Variants in ATG7 observed in about 807,000 individuals in gnomAD.
ATG7 encodes ubiquitin-like modifier-activating enzyme ATG7.
Under a neutral mutation model 82.4 loss-of-function variants are expected in ATG7, and 70 were observed. The observed-to-expected ratio is 0.85, with a 90% CI of 0.70 to 1.04. The LOEUF (loss-of-function observed/expected upper bound fraction) is 1.04, where lower values mean the gene tolerates loss of function less well. Ranked by LOEUF, ATG7 falls within the 50% of genes least tolerant of loss-of-function variation. The probability of loss-of-function intolerance (pLI) is 0.00; values close to 1 mark genes in which losing one functional copy is unlikely to be tolerated. For synonymous variants in ATG7, 287 were observed against 313.0 expected, an observed-to-expected ratio of 0.92 and a Z score of 0.88; for missense variants, 792 against 864.3, an observed-to-expected ratio of 0.92 and a Z score of 1.05.
intron 20 of ATG7, among the ~76,000 whole-genome samples, chr3:11,535,217 G>GC (rs1043006609): frequency 1.2e-4 from 19 of 152,298 alleles, no homozygotes; most frequent in African/African-American, 4.1e-4. Context: ...CCAGCCCTTT[G>GC]CCCCCTCTAG....
rs1559842147 is a variant in ATG7, at chr3:11,556,625, CG to C, written c.*1783del. 6.0e-5 allele frequency: 9 copies of C among 151,210 alleles called. No individual in the cohort carries two copies. The highest frequency in any genetic ancestry group is 2.2e-4 in the African/African-American group (9 of 40,988). 9.4% of individuals were successfully genotyped at this position (151,210 alleles called of 1,614,324 possible). A position where few individuals can be genotyped will look rare whatever the true frequency, so the allele number is the denominator to read the frequency against. ...AAAAAAAAGATCAACTTTTTTTTTCCGAACAACAAAAAAAATGAATGATTAC... is the reference window on the plus strand; with the variant it reads ...AAAAAAAAGATCAACTTTTTTTTTCCAACAACAAAAAAAATGAATGATTAC... On this transcript the variant is annotated 3_prime_UTR_variant, in exon 21 of 21. Transcript: ENST00000693202.
the ATG7 span, chr3:11,564,924 C>T: frequency 6.3e-7 from 1 of 1,595,352 alleles, no homozygotes; most frequent in Non-Finnish European, 8.5e-7. Context: ...CAGGTGGCTG[C>T]CGTGCAGGCT....
intron 20 of ATG7, among the ~76,000 whole-genome samples, chr3:11,459,323 A>G (rs981696512): frequency 1.4e-4 from 21 of 152,194 alleles, no homozygotes; most frequent in African/African-American, 5.1e-4. Context: ...AATATAATGT[A>G]TCATCTCAGA....
At chr3:11,536,757 C>T (rs780241880) in intron 20 of ATG7, among the ~76,000 whole-genome samples, 5 of 152,186 alleles carry the variant, frequency 3.3e-5, no homozygotes, top group East Asian at 1.9e-4. Context: ...TGGTCACCTA[C>T]GATTCTGGGT....
At chr3:11,325,369 G>C (rs1013701040) in intron 9 of ATG7, among the ~76,000 whole-genome samples, 1 of 152,080 alleles carries the variant, frequency 6.6e-6, no homozygotes, top group African/African-American at 2.4e-5. Context: ...TGTGCTAAGT[G>C]CAGTTAAGAA....
chr3:11,445,463 T>C (rs1338322580), intron 20 of ATG7, among the ~76,000 whole-genome samples: 3 of 152,158 alleles, frequency 2.0e-5, no homozygotes, highest in Admixed American at 1.3e-4. Context: ...TTATCACTTA[T>C]AAGTGGGAGC....
At chr3:11,486,513 A>G (rs910014420) in intron 20 of ATG7, among the ~76,000 whole-genome samples, 3 of 151,256 alleles carry the variant, frequency 2.0e-5, no homozygotes, top group Non-Finnish European at 2.9e-5. Context: ...TCTTTTCCTA[A>G]TTGAATACCC....
chr3:11,551,572 T>C (rs966321125), intron 20 of ATG7, among the ~76,000 whole-genome samples: 14 of 152,154 alleles, frequency 9.2e-5, no homozygotes, highest in Admixed American at 2.0e-4. Flanking sequence ...GTTTAGCTTT[T>C]TCACTGCTTT....
intron 19 of ATG7, among the ~76,000 whole-genome samples, chr3:11,406,419 C>T (rs983863142): frequency 6.6e-6 from 1 of 152,088 alleles, no homozygotes; most frequent in Non-Finnish European, 1.5e-5. Flanking sequence ...TCTCCTGCCT[C>T]AGTCCCCCAC....
intron 19 of ATG7, among the ~76,000 whole-genome samples, chr3:11,391,967 G>GGC (rs1553640482): frequency 2.3e-5 from 3 of 130,826 alleles, no homozygotes; most frequent in Admixed American, 7.4e-5. Flanking sequence ...TTGGGGGGGG[G>GGC]GTAATTTCAC....
chr3:11,573,284 AAAGAAAGAAAGAAAGAAAGAAAGGAAGG>A, the ATG7 span, among the ~76,000 whole-genome samples: 2 of 11,334 alleles, frequency 1.8e-4, no homozygotes, highest in African/African-American at 9.5e-4. Context: ...AGAAAGAAAG[AAAGAAAGAAAGAAAGAAAGAAAGGAAGG>A]AAGGAAGAAA....
intron 15 of ATG7, 77 bp from the exon 16 acceptor site, chr3:11,360,504 G>C (rs2076217689): frequency 2.1e-6 from 3 of 1,423,826 alleles, no homozygotes; most frequent in Non-Finnish European, 2.9e-6. Context: ...TTAAAAAGTT[G>C]AGCAAATATG....
At chr3:11,464,853 G>T (rs1482242274) in intron 20 of ATG7, among the ~76,000 whole-genome samples, 1 of 152,050 alleles carries the variant, frequency 6.6e-6, no homozygotes, top group African/African-American at 2.4e-5. Context: ...CCTAGGACTT[G>T]GCCCCTTTAC....
chr3:11,378,070 C>T (rs1001287834), intron 18 of ATG7, among the ~76,000 whole-genome samples: 7 of 110,948 alleles, frequency 6.3e-5, no homozygotes, highest in Admixed American at 1.2e-4. Flanking sequence ...CTCTGTCACT[C>T]AGGCTGGATC....
the ATG7 span, among the ~76,000 whole-genome samples, chr3:11,572,851 C>T: frequency 1.3e-5 from 2 of 152,152 alleles, no homozygotes; most frequent in South Asian, 4.2e-4. Context: ...CGCCTGGGCA[C>T]TCTTTGGTTT....
intron 20 of ATG7, among the ~76,000 whole-genome samples, chr3:11,521,101 C>T (rs533255853): frequency 2.0e-5 from 3 of 152,228 alleles, no homozygotes; most frequent in South Asian, 4.1e-4. Flanking sequence ...ATGCCTGTCT[C>T]GCAGCAATGC....
intron 19 of ATG7, among the ~76,000 whole-genome samples, chr3:11,424,241 A>C (rs1311045163): frequency 2.0e-5 from 3 of 152,198 alleles, no homozygotes; most frequent in African/African-American, 7.2e-5. Context: ...ACTAAACAAA[A>C]ACAAAAACCA....
intron 19 of ATG7, among the ~76,000 whole-genome samples, chr3:11,389,608 A>C (rs2078623570): frequency 6.6e-6 from 1 of 152,218 alleles, no homozygotes; most frequent in Non-Finnish European, 1.5e-5. Flanking sequence ...AGTGTGCCAA[A>C]TGTGAACAGT....
chr3:11,334,605 C>T (rs1952119931), intron 11 of ATG7, among the ~76,000 whole-genome samples: 1 of 150,370 alleles, frequency 6.7e-6, no homozygotes, highest in Admixed American at 6.7e-5. Flanking sequence ...ACATTTCTTT[C>T]CTTATGCCAT....
Sources: allele counts gnomAD v4.1 joint callset (sites outside exome capture counted in the v4.1 genomes callset), GRCh38; gene constraint gnomAD v4.1.1; transcripts MANE v1.5; gene names NCBI Gene and HGNC (gene_info 2026-07-23, HGNC 2026-07-21).